BEAN1: variants seen among roughly 807,000 people sequenced by gnomAD.
BEAN1 encodes the protein protein BEAN1.
A neutral mutation model predicts 17.7 loss-of-function variants in BEAN1; 17 were observed. The ratio of observed to expected loss-of-function variants is 0.96; its 90% confidence interval spans 0.66 to 1.44. The LOEUF is 1.44. Ranked by LOEUF, BEAN1 falls within the 40% of genes most tolerant of loss-of-function variation. The probability of loss-of-function intolerance (pLI) is 0.00; values close to 1 mark genes in which losing one functional copy is unlikely to be tolerated. For missense variants in BEAN1, 359 were observed against 374.1 expected (o/e 0.96, Z 0.33); for synonymous variants, 142 against 151.8 (o/e 0.94, Z 0.47).
At chr16:66,438,208 A>T (rs1658133035) in intron 2 of BEAN1, among the ~76,000 whole-genome samples, 1 of 151,806 alleles carries the variant, frequency 6.6e-6, no homozygotes, top group Non-Finnish European at 1.5e-5. Context: ...ACATGGTGAA[A>T]CCCCGTCTCT....
chr16:66,463,461 A>G (rs745482887), intron 2 of BEAN1, among the ~76,000 whole-genome samples: 18 of 152,154 alleles, frequency 1.2e-4, no homozygotes, highest in Non-Finnish European at 2.2e-4. Flanking sequence ...ATGTCTGTTC[A>G]GATCTTTTGA....
At chr16:66,461,944 G>A (rs1307268342) in intron 2 of BEAN1, among the ~76,000 whole-genome samples, 1 of 152,204 alleles carries the variant, frequency 6.6e-6, no homozygotes, top group Non-Finnish European at 1.5e-5. Flanking sequence ...CCGGGATCAT[G>A]CTAGATGAGT....
chr16:66,470,203 GA>G, intron 3 of BEAN1: 4 of 444,712 alleles, frequency 9.0e-6, no homozygotes, highest in East Asian at 4.0e-5. Flanking sequence ...TGGATGGATG[GA>G]TGGATGGATG....
chr16:66,487,581 T>A (rs554625506), downstream of BEAN1, among the ~76,000 whole-genome samples: 3 of 152,076 alleles, frequency 2.0e-5, no homozygotes, highest in Non-Finnish European at 2.9e-5. Context: ...CCCATCCAGC[T>A]CCTCCTCCTC....
intron 1 of BEAN1, among the ~76,000 whole-genome samples, chr16:66,433,620 G>C (rs947043039): frequency 3.3e-5 from 5 of 152,214 alleles, no homozygotes; most frequent in Non-Finnish European, 7.3e-5. Flanking sequence ...CCCTCTTGGG[G>C]CAGGGGCTCA....
chr16:66,470,957 G>A (rs1963461823), intron 3 of BEAN1, among the ~76,000 whole-genome samples: 1 of 152,228 alleles, frequency 6.6e-6, no homozygotes, highest in South Asian at 2.1e-4. Context: ...CAGGACCTTG[G>A]AGGTGCTTAA....
chr16:66,451,244 A>G (rs1462174142), intron 2 of BEAN1: 1 of 153,058 alleles, frequency 6.5e-6, no homozygotes, highest in Non-Finnish European at 1.5e-5. Context: ...ACCAGTACAG[A>G]CAGATCCCTC....
At chr16:66,439,969 G>C (rs966542493) in intron 2 of BEAN1, among the ~76,000 whole-genome samples, 4 of 152,100 alleles carry the variant, frequency 2.6e-5, no homozygotes, top group African/African-American at 7.2e-5. Context: ...TGTCCAAGAA[G>C]CACCTGGTGT....
At chr16:66,492,329 G>A (rs28493009) in intron 4 of BEAN1, among the ~76,000 whole-genome samples, 19,668 of 150,946 alleles carry the variant, frequency 0.13, 2,385 homozygotes, top group African/African-American at 0.32. Context: ...GATGTGAGCA[G>A]TCACACTCGG....
chr16:66,481,037 A>G lies in BEAN1; in HGVS notation c.*112A>G. ...TGCACACGTGACTCATAACACACAC[A>G]TAGACCAAACTTGTATACACACAGA... is the stretch of plus-strand genomic sequence containing the variant. On this transcript the variant is annotated 3_prime_UTR_variant, in exon 5 of 5. Coordinates refer to ENST00000536005, the MANE Select transcript of BEAN1 (RefSeq NM_001178020.3). The surrounding 1 kb of genome is among the most constrained non-coding windows in gnomAD (Gnocchi z 4.1). 1.1e-6 allele frequency: 1 copy of G among 895,796 alleles called. No individual in the cohort carries two copies. Among genetic ancestry groups the G allele is most frequent in the Non-Finnish European group, 1.6e-6 (1 of 630,586 alleles). The allele number at this position is 895,796 out of a possible 1,614,324, so 55.5% of individuals were successfully genotyped here. A position where few individuals can be genotyped will look rare whatever the true frequency, so the allele number is the denominator to read the frequency against.
intron 4 of BEAN1, among the ~76,000 whole-genome samples, chr16:66,489,158 G>A (rs1964130157): frequency 6.7e-6 from 1 of 150,164 alleles, no homozygotes; most frequent in South Asian, 2.1e-4. Flanking sequence ...GGCAAGAAGA[G>A]CGAAACTCCA....
chr16:66,442,828 T>C (rs934197159), intron 2 of BEAN1, among the ~76,000 whole-genome samples: 3 of 152,186 alleles, frequency 2.0e-5, no homozygotes, highest in African/African-American at 7.2e-5. Flanking sequence ...TTTGGCTACC[T>C]TCTCCCTACA....
rs1225213929 is a variant in BEAN1, at chr16:66,433,641, G to A, written c.-82-3954G>A. On this transcript the variant is annotated intron_variant, in intron 1 of 4. Transcript: ENST00000536005. ...TGGGGCAGGGGCTCACCACCTCATC[G>A]GGCCCCTTATTCTTCTGAGTCACAG... 3.3e-5 allele frequency among the ~76,000 whole-genome samples: 5 copies of A among 152,158 alleles called. No homozygotes were observed. The East Asian group carries it at 5.8e-4, about 18-fold the overall frequency.
In BEAN1 at chr16:66,477,792, G is replaced by C; in HGVS notation, c.440+82G>C. The C allele has an allele frequency of 4.4e-6, 6 of 1,373,352 alleles. No homozygotes were observed. The South Asian group carries it at 9.2e-5, about 21-fold the overall frequency. 85.1% of individuals were successfully genotyped at this position (1,373,352 alleles called of 1,614,324 possible). On this transcript the variant is annotated intron_variant, in intron 4 of 4. Coordinates refer to ENST00000536005, the MANE Select transcript of BEAN1 (RefSeq NM_001178020.3). ...CCCCCCAACTCCATCATGGGAAAGA[G>C]TGGCACCTCTGCATGTCGTATAAAT...
At chr16:66,445,475 C>CAAAAAAAAAAAA (rs61540693) in intron 2 of BEAN1, among the ~76,000 whole-genome samples, 10 of 49,326 alleles carry the variant, frequency 2.0e-4, no homozygotes, top group South Asian at 9.3e-4. Flanking sequence ...GACTCCGTCT[C>CAAAAAAAAAAAA]AAAAAAAAAA....
chr16:66,468,305 A>G (rs1236986669), intron 2 of BEAN1, among the ~76,000 whole-genome samples: 7 of 152,226 alleles, frequency 4.6e-5, no homozygotes, highest in Non-Finnish European at 8.8e-5. Flanking sequence ...GAAACCAGAC[A>G]TGATCATATG....
At position 66,480,783 on chromosome 16, in the gene BEAN1, T is replaced by C. The variant is rs1017949346; in HGVS notation, c.638T>C (p.Leu213Pro). 45 of 1,550,470 alleles carry C rather than the reference T, an allele frequency of 2.9e-5. No individual in the cohort carries two copies. Among genetic ancestry groups the C allele is most frequent in the Non-Finnish European group, 3.5e-5 (40 of 1,146,572 alleles). ...GGLHTVSMDTLPPYEAVCGAG... is the reference protein window; with the variant it reads ...GGLHTVSMDTPPPYEAVCGAG... ...CTTCACACGGTCTCCATGGACACCC[T>C]TCCCCCCTACGAGGCTGTGTGCGGG... The change falls in exon 5 of 5, where the codon CTT becomes CCT. Residue 213 changes from leucine (L) to proline (P), a missense_variant. By Grantham distance (98) the Leu-to-Pro change is moderately conservative. Transcript: ENST00000536005.
intron 2 of BEAN1, among the ~76,000 whole-genome samples, chr16:66,459,576 C>T (rs1448511680): frequency 6.6e-6 from 1 of 152,130 alleles, no homozygotes; most frequent in Non-Finnish European, 1.5e-5. Context: ...CCACCTCAGC[C>T]TCCCAAAGTG....
At chr16:66,466,625 G>A (rs778260681) in intron 2 of BEAN1, among the ~76,000 whole-genome samples, 22 of 152,170 alleles carry the variant, frequency 1.4e-4, no homozygotes, top group Non-Finnish European at 2.8e-4. Context: ...GAGTGCAGTG[G>A]CACGATCTTT....
Sources: gnomAD v4.1 joint callset for allele counts (sites outside exome capture counted in the v4.1 genomes callset) on GRCh38, gnomAD v4.1.1 for gene constraint, Gnocchi (gnomAD v3.1) non-coding constraint, MANE v1.5 for transcripts, NCBI Gene and HGNC (gene_info 2026-07-23, HGNC 2026-07-21) for gene names.